ZMAT4: variants seen among roughly 807,000 people sequenced by gnomAD.
ZMAT4 encodes zinc finger matrin-type protein 4.
In ZMAT4, 17 loss-of-function variants were observed where a neutral mutation model predicts 28.7. The ratio of observed to expected loss-of-function variants is 0.59; its 90% CI spans 0.41 to 0.89. The LOEUF (loss-of-function observed/expected upper bound fraction) is 0.89, where lower values mean the gene tolerates loss of function less well. ZMAT4 is among the 40% of genes least tolerant of loss of function. The pLI, the probability that ZMAT4 is intolerant of heterozygous loss-of-function variation, is 0.00. For missense variants in ZMAT4, 240 were observed against 283.8 expected, an observed-to-expected ratio of 0.85 and a Z score of 1.11; for synonymous variants, 117 against 109.2, an observed-to-expected ratio of 1.07 and a Z score of -0.44.
intron 6 of ZMAT4, among the ~76,000 whole-genome samples, chr8:40,545,767 G>T (rs1169509326): frequency 6.6e-6 from 1 of 151,948 alleles, no homozygotes; most frequent in African/African-American, 2.4e-5. Context: ...AATTGCGAGA[G>T]AATCCATTTC....
chr8:40,601,461 GAA>G (rs1805313884), intron 5 of ZMAT4, among the ~76,000 whole-genome samples: 8 of 54,392 alleles, frequency 1.5e-4, no homozygotes, highest in Middle Eastern at 9.3e-3. Context: ...AGGAAGGGAG[GAA>G]GAAAGGAAAG....
At chr8:40,637,614 G>T (rs555799966) in intron 5 of ZMAT4, among the ~76,000 whole-genome samples, 2 of 152,310 alleles carry the variant, frequency 1.3e-5, no homozygotes, top group East Asian at 3.9e-4. Context: ...TGGGTCTTTT[G>T]CTGCAATAGA....
intron 5 of ZMAT4, among the ~76,000 whole-genome samples, chr8:40,654,062 A>C (rs1444192564): frequency 6.6e-6 from 1 of 152,214 alleles, no homozygotes. Context: ...AAATAGAGCC[A>C]GGTAAGCAGA....
chr8:40,645,776 T>C (rs1160217013), intron 5 of ZMAT4, among the ~76,000 whole-genome samples: 1 of 152,064 alleles, frequency 6.6e-6, no homozygotes, highest in African/African-American at 2.4e-5. Context: ...GAGATACAAA[T>C]GCATTAAAAC....
chr8:40,539,422 C>A (rs1324309927), intron 6 of ZMAT4, among the ~76,000 whole-genome samples: 2 of 152,140 alleles, frequency 1.3e-5, no homozygotes, highest in Non-Finnish European at 2.9e-5. Flanking sequence ...GTGTTGAAAG[C>A]ATCTATATCT....
intron 5 of ZMAT4, among the ~76,000 whole-genome samples, chr8:40,672,492 T>A (rs1388957677): frequency 1.3e-5 from 2 of 152,192 alleles, no homozygotes; most frequent in Non-Finnish European, 2.9e-5. Context: ...CATGGGCTAC[T>A]GAGTCACAGT....
intron 1 of ZMAT4, among the ~76,000 whole-genome samples, chr8:40,859,340 C>T (rs910607055): frequency 1.3e-5 from 2 of 152,162 alleles, no homozygotes; most frequent in Non-Finnish European, 2.9e-5. Flanking sequence ...GGCAATGCTC[C>T]TTCCTTTGCT....
At chr8:40,887,084 T>A (rs541962734) in intron 1 of ZMAT4, among the ~76,000 whole-genome samples, 2 of 142,604 alleles carry the variant, frequency 1.4e-5, no homozygotes, top group African/African-American at 5.3e-5. Flanking sequence ...GGTGGGAGAA[T>A]GGCGTGAACC....
intron 3 of ZMAT4, among the ~76,000 whole-genome samples, chr8:40,753,343 C>T (rs969519450): frequency 6.6e-6 from 1 of 152,136 alleles, no homozygotes; most frequent in Non-Finnish European, 1.5e-5. Flanking sequence ...CCACACTCTT[C>T]CCCACCATCA....
At chr8:40,736,304 G>A (rs1811757782) in intron 3 of ZMAT4, among the ~76,000 whole-genome samples, 1 of 152,170 alleles carries the variant, frequency 6.6e-6, no homozygotes, top group Non-Finnish European at 1.5e-5. Flanking sequence ...AGGAGGTGGA[G>A]GAGGGACCCT....
chr8:40,792,531 G>GGAA (rs1814382926), intron 2 of ZMAT4, among the ~76,000 whole-genome samples: 1 of 22,892 alleles, frequency 4.4e-5, no homozygotes. Context: ...AAGGAAGGAA[G>GGAA]GGACAGAGGG....
At chr8:40,604,627 T>C (rs1393254728) in intron 5 of ZMAT4, among the ~76,000 whole-genome samples, 1 of 151,642 alleles carries the variant, frequency 6.6e-6, no homozygotes, top group African/African-American at 2.4e-5. Flanking sequence ...TTAGCTGGTA[T>C]TTTTTTGAGG....
chr8:40,622,544 A>T (rs1411472971), intron 5 of ZMAT4, among the ~76,000 whole-genome samples: 1 of 152,152 alleles, frequency 6.6e-6, no homozygotes, highest in Admixed American at 6.6e-5. Flanking sequence ...TAAAGAGGGG[A>T]TTATCTTTGT....
intron 6 of ZMAT4, among the ~76,000 whole-genome samples, chr8:40,577,426 A>G (rs993901000): frequency 4.6e-5 from 7 of 152,206 alleles, no homozygotes; most frequent in Non-Finnish European, 1.0e-4. Flanking sequence ...AGCCTGGCAC[A>G]AAAAGAAGAT....
chr8:40,747,306 G>A (rs979607308), intron 3 of ZMAT4, among the ~76,000 whole-genome samples: 1 of 152,056 alleles, frequency 6.6e-6, no homozygotes, highest in South Asian at 2.1e-4. Context: ...AAATAATGCA[G>A]GGAAGTTACA....
chr8:40,875,980 G>A (rs369106045), intron 1 of ZMAT4, among the ~76,000 whole-genome samples: 10 of 152,146 alleles, frequency 6.6e-5, no homozygotes, highest in African/African-American at 2.2e-4. Context: ...CAAGGGTGGC[G>A]ACAGGCTGTT....
At position 40,674,704 on chromosome 8, in the gene ZMAT4, C is replaced by T. The variant is rs868807772; in HGVS notation, c.577G>A (p.Gly193Ser). 6.2e-7 allele frequency: 1 copy of T among 1,613,162 alleles called. No homozygotes were observed. Among genetic ancestry groups the T allele is most frequent in the Non-Finnish European group, 8.5e-7 (1 of 1,179,236 alleles). ...GTTLDMGELR[G>S]LRRNYRCTIC... ...CAGAAGTGAGAAGAGCTGCCCTTAC[C>T]TCTCAGTTCCCCCATATCCAGGGTT... The change falls in exon 5 of 7, where the codon GGT (glycine) becomes AGT (serine). Residue 193 changes from glycine (G) to serine (S), a missense_variant and splice_region_variant. Gly to Ser is a moderately conservative substitution (Grantham distance 56). Coordinates refer to ENST00000297737, the MANE Select transcript of ZMAT4 (RefSeq NM_024645.3).
chr8:40,681,396 A>G (rs1483130229), intron 4 of ZMAT4, among the ~76,000 whole-genome samples: 1 of 152,208 alleles, frequency 6.6e-6, no homozygotes, highest in East Asian at 1.9e-4. Context: ...TTCCTACCCT[A>G]AATCAAATTA....
intron 3 of ZMAT4, among the ~76,000 whole-genome samples, chr8:40,716,292 T>C (rs1810851408): frequency 1.3e-5 from 2 of 152,092 alleles, no homozygotes; most frequent in Admixed American, 1.3e-4. Context: ...ATCAGAAATA[T>C]GGGGAGGGGA....
Sources: allele counts gnomAD v4.1 joint callset (sites outside exome capture counted in the v4.1 genomes callset), GRCh38; gene constraint gnomAD v4.1.1; transcripts MANE v1.5; gene names NCBI Gene and HGNC (gene_info 2026-07-23, HGNC 2026-07-21).